Variants in DLEU7 observed in about 807,000 individuals in gnomAD.
DLEU7 encodes the protein deleted in lymphocytic leukemia 7.
Under a neutral mutation model 16.0 loss-of-function variants are expected in DLEU7, and 17 were observed. The ratio of observed to expected loss-of-function variants is 1.06; its 90% CI spans 0.73 to 1.59. The LOEUF is 1.59. DLEU7 is among the 40% of genes most tolerant of loss of function. The pLI, the probability that DLEU7 is intolerant of heterozygous loss-of-function variation, is 0.00. For synonymous variants in DLEU7, 113 were observed against 139.8 expected (o/e 0.81, Z 1.35); for missense variants, 308 against 314.9 (o/e 0.98, Z 0.17).
chr13:50,727,668 G>A (rs1372896540), intron 1 of DLEU7, among the ~76,000 whole-genome samples: 2 of 152,156 alleles, frequency 1.3e-5, no homozygotes, highest in Admixed American at 1.3e-4. Context: ...CAGGGTTGCT[G>A]TGTCTGTTGG....
At chr13:50,787,531 T>C (rs1348059679) in intron 1 of DLEU7, among the ~76,000 whole-genome samples, 2 of 151,926 alleles carry the variant, frequency 1.3e-5, no homozygotes, top group Non-Finnish European at 2.9e-5. Context: ...CCTGCAGAAG[T>C]CACCTGAACC....
Position 50,843,334 on chromosome 13 carries a change from G to T in DLEU7, c.313C>A (p.Arg105=). Residue 105 remains arginine, a synonymous_variant, in exon 1 of 2, where the codon CGG becomes AGG. Transcript: ENST00000504404. This position sits in a 1 kb window ranked among gnomAD's most constrained non-coding sequence, Gnocchi z 5.7. ...GCCAGGGTGCAGGGCCCGCGGTCCCGGGGGAAGGGCAGCAACTCGGCGCCC... is the reference window on the plus strand; with the variant it reads ...GCCAGGGTGCAGGGCCCGCGGTCCCTGGGGAAGGGCAGCAACTCGGCGCCC... The part of the protein sequence containing the change: ...EGGAELLPFP[R]DRGPCTLAQM... 6.8e-7 allele frequency: 1 copy of T among 1,480,676 alleles called. No individual in the cohort carries two copies. Among genetic ancestry groups the T allele is most frequent in the East Asian group, 2.8e-5 (1 of 36,310 alleles). The allele number at this position is 1,480,676 out of a possible 1,614,324, so 91.7% of individuals were successfully genotyped here. A position where few individuals can be genotyped will look rare whatever the true frequency, so the allele number is the denominator to read the frequency against.
chr13:50,842,911 A>G (rs1877717838), intron 1 of DLEU7, among the ~76,000 whole-genome samples: 1 of 152,070 alleles, frequency 6.6e-6, no homozygotes, highest in African/African-American at 2.4e-5. Flanking sequence ...GATTTATGTG[A>G]GAGAGGAAGG....
downstream of DLEU7, among the ~76,000 whole-genome samples, chr13:50,821,859 C>G (rs985774647): frequency 6.6e-6 from 1 of 152,018 alleles, no homozygotes; most frequent in African/African-American, 2.4e-5. Flanking sequence ...GAAGAAAGAC[C>G]TCATCATAAA....
intron 1 of DLEU7, among the ~76,000 whole-genome samples, chr13:50,809,272 CA>C (rs1328134096): frequency 6.6e-6 from 1 of 152,150 alleles, no homozygotes; most frequent in Non-Finnish European, 1.5e-5. Context: ...ACGTTTCACT[CA>C]ATCTATTCCA....
chr13:50,754,148 C>T (rs956743979), intron 1 of DLEU7, among the ~76,000 whole-genome samples: 6 of 152,164 alleles, frequency 3.9e-5, no homozygotes, highest in South Asian at 2.1e-4. Flanking sequence ...TGTGTATTTG[C>T]GATTATTGGA....
chr13:50,765,119 G>A (rs576121683), intron 1 of DLEU7, among the ~76,000 whole-genome samples: 2 of 152,192 alleles, frequency 1.3e-5, no homozygotes, highest in South Asian at 4.1e-4. Context: ...CTGACCTCAG[G>A]TGATCCACCT....
intron 1 of DLEU7, among the ~76,000 whole-genome samples, chr13:50,808,992 C>T (rs533401820): frequency 1.3e-5 from 2 of 151,940 alleles, no homozygotes; most frequent in Non-Finnish European, 2.9e-5. Flanking sequence ...TAAGCAAAAT[C>T]ATTGCGTTGA....
intron 1 of DLEU7, among the ~76,000 whole-genome samples, chr13:50,789,154 G>A (rs1223642145): frequency 4.6e-5 from 7 of 151,592 alleles, no homozygotes; most frequent in African/African-American, 1.5e-4. Context: ...TTCGGAGCTC[G>A]GTGTGTGCGG....
chr13:50,809,429 G>C (rs139901698), intron 1 of DLEU7, among the ~76,000 whole-genome samples: 1 of 152,136 alleles, frequency 6.6e-6, no homozygotes, highest in African/African-American at 2.4e-5. Flanking sequence ...ATTACTTGAC[G>C]CCGGACATAA....
chr13:50,803,932 CT>C (rs1876317628), intron 1 of DLEU7, among the ~76,000 whole-genome samples: 1 of 152,066 alleles, frequency 6.6e-6, no homozygotes, highest in African/African-American at 2.4e-5. Flanking sequence ...TACTACAATA[CT>C]TTTAAAACTT....
intron 1 of DLEU7, among the ~76,000 whole-genome samples, chr13:50,824,603 G>A (rs1407635897): frequency 2.0e-5 from 3 of 152,156 alleles, no homozygotes; most frequent in African/African-American, 4.8e-5. Flanking sequence ...TTGGGATGGA[G>A]AGTAAAGTTG....
At position 50,843,410 on chromosome 13, in the gene DLEU7, G is replaced by T. The variant is rs1197654948; in HGVS notation, c.237C>A (p.Thr79=). 6.8e-6 allele frequency: 9 copies of T among 1,315,298 alleles called. No individual in the cohort carries two copies. The African/African-American group carries it at 7.7e-5, about 11-fold the overall frequency. The allele number at this position is 1,315,298 out of a possible 1,614,324, so 81.5% of individuals were successfully genotyped here. A position where few individuals can be genotyped will look rare whatever the true frequency, so the allele number is the denominator to read the frequency against. The change falls in exon 1 of 2, where the codon ACC becomes ACA. Residue 79 remains threonine (T), a synonymous_variant. Transcript: ENST00000504404. The surrounding 1 kb of genome is among the most constrained non-coding windows in gnomAD (Gnocchi z 5.7). The part of the protein sequence containing the change: ...GGGVGTRSRR[T]AARANSPEEE... ...CCTCTGGGGAGTTCGCCCGCGCCGC[G>T]GTCCGCCGACTCCTGGTCCCCACGC...
intron 1 of DLEU7, among the ~76,000 whole-genome samples, chr13:50,777,820 A>T (rs976946566): frequency 6.6e-6 from 1 of 152,186 alleles, no homozygotes; most frequent in Non-Finnish European, 1.5e-5. Context: ...TGTAAATTTC[A>T]TCTTTCCATA....
At chr13:50,750,850 GT>G (rs1240917043) in intron 1 of DLEU7, among the ~76,000 whole-genome samples, 1 of 152,166 alleles carries the variant, frequency 6.6e-6, no homozygotes, top group African/African-American at 2.4e-5. Context: ...AGTCTTTAGG[GT>G]TTTCGAGGTA....
chr13:50,829,430 G>T (rs973034060), intron 1 of DLEU7, among the ~76,000 whole-genome samples: 3 of 152,214 alleles, frequency 2.0e-5, no homozygotes, highest in African/African-American at 7.2e-5. Flanking sequence ...GCTGACATGT[G>T]CCTATTAGCC....
Position 50,725,476 on chromosome 13 carries a change from C to A in DLEU7, c.460-12236G>T, listed in dbSNP as rs1419461125. Among the ~76,000 whole-genome samples, 4 of 152,160 alleles carry A rather than the reference C, an allele frequency of 2.6e-5. No individual in the cohort carries two copies. In the East Asian group the frequency reaches 7.7e-4, roughly 29 times the overall value. ...GCATGGAGCTCCTGCCCAGGTCTGC[C>A]TCAGGTCTGAGCCCAGACAGCAGCT... is the stretch of plus-strand genomic sequence containing the variant. On this transcript the variant is annotated intron_variant, in intron 1 of 1. Transcript: ENST00000400393.
intron 1 of DLEU7, among the ~76,000 whole-genome samples, chr13:50,751,482 G>T (rs1390561676): frequency 6.6e-6 from 1 of 152,122 alleles, no homozygotes; most frequent in Non-Finnish European, 1.5e-5. Context: ...TCTCTATCTT[G>T]TGGAATAGTG....
At chr13:50,759,825 G>A (rs565003725) in intron 1 of DLEU7, among the ~76,000 whole-genome samples, 1 of 152,216 alleles carries the variant, frequency 6.6e-6, no homozygotes, top group Non-Finnish European at 1.5e-5. Flanking sequence ...GGATCTCCAC[G>A]TACACTCTTT....
Sources: gnomAD v4.1 joint callset for allele counts (sites outside exome capture counted in the v4.1 genomes callset) on GRCh38, gnomAD v4.1.1 for gene constraint, Gnocchi (gnomAD v3.1) non-coding constraint, MANE v1.5 for transcripts, NCBI Gene and HGNC (gene_info 2026-07-23, HGNC 2026-07-21) for gene names.